RIMS2: variants seen among roughly 807,000 people sequenced by gnomAD.
The protein encoded by RIMS2 is regulating synaptic membrane exocytosis protein 2.
A neutral mutation model predicts 174.4 loss-of-function variants in RIMS2; 59 were observed. That is an observed-to-expected ratio of 0.34 (90% confidence interval 0.27 to 0.42). The LOEUF is 0.42. Ranked by LOEUF, RIMS2 falls within the 10% of genes least tolerant of loss-of-function variation. The pLI is 1.00. For missense variants in RIMS2, 1,620 were observed against 1,666.3 expected (o/e 0.97, Z 0.48); for synonymous variants, 606 against 572.5 (o/e 1.06, Z -0.84).
chr8:104,206,824 G>A (rs1297228848), intron 19 of RIMS2, among the ~76,000 whole-genome samples: 1 of 152,176 alleles, frequency 6.6e-6, no homozygotes, highest in Non-Finnish European at 1.5e-5. Context: ...CAAGGAGTAG[G>A]GAGGCCTAGC....
intron 3 of RIMS2, among the ~76,000 whole-genome samples, chr8:103,788,557 G>A (rs1173977149): frequency 3.3e-5 from 5 of 151,626 alleles, no homozygotes; most frequent in Non-Finnish European, 7.4e-5. Context: ...GCCCCTGCTG[G>A]GGGGTGCCTC....
chr8:104,245,912 G>A (rs2511588), intron 20 of RIMS2, among the ~76,000 whole-genome samples: 45,228 of 152,048 alleles, frequency 0.3, 7,090 homozygotes, highest in African/African-American at 0.36. Context: ...GCTTATTTGG[G>A]ATACTTATAG....
chr8:103,934,782 C>A (rs1330757388), intron 12 of RIMS2, among the ~76,000 whole-genome samples: 2 of 151,752 alleles, frequency 1.3e-5, no homozygotes, highest in South Asian at 2.1e-4. Flanking sequence ...ACTGCAACCT[C>A]CACCTCCCGG....
chr8:103,730,093 T>C (rs992420020), intron 2 of RIMS2, among the ~76,000 whole-genome samples: 1 of 152,224 alleles, frequency 6.6e-6, no homozygotes, highest in African/African-American at 2.4e-5. Context: ...TTATGTCTGA[T>C]GTTTCTTAAT....
At chr8:103,570,978 C>G (rs2092763975) in intron 1 of RIMS2, among the ~76,000 whole-genome samples, 1 of 152,092 alleles carries the variant, frequency 6.6e-6, no homozygotes, top group Non-Finnish European at 1.5e-5. Context: ...TATTTTGGAG[C>G]CTTCTTTGAC....
At chr8:104,148,624 T>C (rs2098663432) in intron 19 of RIMS2, 1 of 1,598,026 alleles carries the variant, frequency 6.3e-7, no homozygotes, top group Non-Finnish European at 8.5e-7. Context: ...ACATCCAAAA[T>C]GCAAAGCAGA....
At chr8:104,014,834 T>G (rs1208040377) in intron 19 of RIMS2, among the ~76,000 whole-genome samples, 12 of 152,202 alleles carry the variant, frequency 7.9e-5, no homozygotes. Flanking sequence ...TTGCACATTT[T>G]TAAATTTGAA....
chr8:103,810,341 T>C (rs1000916401), intron 3 of RIMS2, among the ~76,000 whole-genome samples: 1 of 152,268 alleles, frequency 6.6e-6, no homozygotes. Flanking sequence ...AGGTAGGCAG[T>C]GGAAGAGAGT....
At chr8:103,624,068 A>G (rs905902449) in intron 1 of RIMS2, among the ~76,000 whole-genome samples, 1 of 152,190 alleles carries the variant, frequency 6.6e-6, no homozygotes, top group Admixed American at 6.5e-5. Context: ...CTACAAACCC[A>G]TAGTAAGCAA....
chr8:104,080,899 G>A (rs2097404605), intron 19 of RIMS2, among the ~76,000 whole-genome samples: 1 of 151,946 alleles, frequency 6.6e-6, no homozygotes, highest in Non-Finnish European at 1.5e-5. Flanking sequence ...AGCTAACCTT[G>A]GAATATATTT....
chr8:104,138,098 TC>T (rs2098536531), intron 19 of RIMS2, among the ~76,000 whole-genome samples: 1 of 152,220 alleles, frequency 6.6e-6, no homozygotes, highest in Admixed American at 6.5e-5. Flanking sequence ...TCCAGTTCCA[TC>T]CATGTTGTTG....
intron 3 of RIMS2, among the ~76,000 whole-genome samples, chr8:103,797,805 T>G (rs1201044150): frequency 6.6e-6 from 1 of 152,222 alleles, no homozygotes; most frequent in African/African-American, 2.4e-5. Flanking sequence ...TCTTGCTTTT[T>G]TTCCATGTTC....
chr8:103,756,994 TGTGTGTGTGTGTGTGTGAGA>T (rs2098024365), intron 2 of RIMS2, among the ~76,000 whole-genome samples: 1 of 140,944 alleles, frequency 7.1e-6, no homozygotes, highest in African/African-American at 2.9e-5. Context: ...TGTGTGTGTG[TGTGTGTGTGTGTGTGTGAGA>T]GAGAGAGAGA....
chr8:104,062,264 C>T (rs775910008), intron 19 of RIMS2, among the ~76,000 whole-genome samples: 15 of 151,844 alleles, frequency 9.9e-5, no homozygotes, highest in Non-Finnish European at 1.3e-4. Flanking sequence ...ATTAGCTGGG[C>T]GTGGTGGTGC....
chr8:103,893,164 T>G (rs2099257069), intron 4 of RIMS2, among the ~76,000 whole-genome samples: 1 of 152,090 alleles, frequency 6.6e-6, no homozygotes, highest in Non-Finnish European at 1.5e-5. Flanking sequence ...AGCTAAAATA[T>G]ATCAAATGTC....
At chr8:103,632,498 G>A (rs1181819821) in intron 1 of RIMS2, among the ~76,000 whole-genome samples, 1 of 151,900 alleles carries the variant, frequency 6.6e-6, no homozygotes, top group Non-Finnish European at 1.5e-5. Context: ...TCGGCTCACT[G>A]CAGCCTCTGC....
At chr8:104,039,888 ATGATT>A (rs1320375697) in intron 19 of RIMS2, among the ~76,000 whole-genome samples, 2 of 151,690 alleles carry the variant, frequency 1.3e-5, no homozygotes, top group Non-Finnish European at 3.0e-5. Flanking sequence ...TGTTAGCAGT[ATGATT>A]TGTAATTTAA....
intron 2 of RIMS2, among the ~76,000 whole-genome samples, chr8:103,760,044 G>A (rs906145231): frequency 2.0e-5 from 3 of 152,202 alleles, no homozygotes; most frequent in Non-Finnish European, 4.4e-5. Flanking sequence ...AATCTGGCAA[G>A]TGTGCTGTTG....
chr8:103,697,778 G>C (rs538960242), intron 2 of RIMS2, among the ~76,000 whole-genome samples: 3 of 152,132 alleles, frequency 2.0e-5, no homozygotes, highest in African/African-American at 7.2e-5. Context: ...TGTAATCCCA[G>C]CACTTTAGGA....
Sources: gnomAD v4.1 joint callset for allele counts (sites outside exome capture counted in the v4.1 genomes callset) on GRCh38, gnomAD v4.1.1 for gene constraint, MANE v1.5 for transcripts, NCBI Gene and HGNC (gene_info 2026-07-23, HGNC 2026-07-21) for gene names.